SPINK7: variants seen among roughly 807,000 people sequenced by gnomAD.
SPINK7 encodes the protein serine peptidase inhibitor Kazal type 7.
Under a neutral mutation model 11.6 loss-of-function variants are expected in SPINK7, and 8 were observed. The ratio of observed to expected loss-of-function variants is 0.69; its 90% confidence interval spans 0.41 to 1.25. SPINK7 has a LOEUF of 1.25. Ranked by LOEUF, SPINK7 falls within the 50% of genes most tolerant of loss-of-function variation. The pLI, the probability that SPINK7 is intolerant of heterozygous loss-of-function variation, is 0.01. For synonymous variants in SPINK7, 38 were observed against 35.3 expected (o/e 1.08, Z -0.27); for missense variants, 113 against 99.3 (o/e 1.14, Z -0.58).
rs149286191 is a variant in SPINK7, at chr5:148,314,225, G to C, written c.212+1G>C. The C allele has an allele frequency of 2.7e-5, 43 of 1,613,562 alleles. No individual in the cohort carries two copies. In the African/African-American group the frequency reaches 4.8e-4, roughly 18 times the overall value. The stretch of plus-strand genomic sequence containing the variant: ...AATGTCACTTGTGTACCGAGAGCTT[G>C]TGAGTACCTCATAAGAAGAAAATGA... On this transcript the variant is annotated splice_donor_variant, in intron 3 of 3. Coordinates refer to ENST00000274565, the MANE Select transcript of SPINK7 (RefSeq NM_032566.3). LOFTEE classifies it high-confidence loss of function.
chr5:148,314,536 C>T (rs1318133788), intron 3 of SPINK7: 1 of 376,684 alleles, frequency 2.7e-6, no homozygotes, highest in Non-Finnish European at 4.8e-6. Flanking sequence ...AGAGGCAAGT[C>T]AGGAGTCACC....
rs771956991 is a variant in SPINK7, at chr5:148,312,558, A to G, written c.61+14A>G. ...GTAGCAGCTCAGGTAAGTTAAGGTC[A>G]GACAGTGCCCTATATAGCCATTAAG... On this transcript the variant is annotated intron_variant, in intron 1 of 3. Transcript: ENST00000274565. The G allele has an allele frequency of 2.6e-6, 4 of 1,541,948 alleles. No individual in the cohort carries two copies. Among genetic ancestry groups the G allele is most frequent in the Admixed American group, 3.4e-5 (2 of 58,758 alleles).
At position 148,315,634 on chromosome 5, in the gene SPINK7, C is replaced by A. The variant is rs1057021926; in HGVS notation, c.213-5C>A. The A allele has an allele frequency of 6.3e-7, 1 of 1,591,166 alleles. No individual in the cohort carries two copies. The highest frequency in any genetic ancestry group is 8.6e-7 in the Non-Finnish European group (1 of 1,159,916). Reference sequence around the variant, plus strand: ...ATGAATCTTGTGAACTGTGTCTTCCCTTAGGAAAAGTAATGGAAGAGTTCA... The same window carrying A: ...ATGAATCTTGTGAACTGTGTCTTCCATTAGGAAAAGTAATGGAAGAGTTCA... On this transcript the variant is annotated splice_polypyrimidine_tract_variant and splice_region_variant and intron_variant, in intron 3 of 3. Coordinates refer to ENST00000274565, the MANE Select transcript of SPINK7 (RefSeq NM_032566.3).
At position 148,315,073 on chromosome 5, in the gene SPINK7, C is replaced by T. The variant is rs117815924; in HGVS notation, c.213-566C>T. On this transcript the variant is annotated intron_variant, in intron 3 of 3. Transcript: ENST00000274565. ...GCCACTGGATTTTGGACACTTAGAT[C>T]TTGCGTTTTCATCTTTGTGATTATC... Among the ~76,000 whole-genome samples, 15 of 152,246 alleles carry T rather than the reference C, an allele frequency of 9.9e-5. No homozygotes were observed. The East Asian group carries it at 2.7e-3, about 27-fold the overall frequency.
At chr5:148,312,637 T>G in intron 1 of SPINK7, 93 bp downstream of exon 1, 2 of 735,508 alleles carry the variant, frequency 2.7e-6, no homozygotes, top group Non-Finnish European at 4.6e-6. Flanking sequence ...AAACATCTGG[T>G]TGTAAGAATT....
chr5:148,313,986 G>A (rs1380424671), intron 2 of SPINK7, 114 bp from the exon 3 acceptor site: 1 of 1,346,222 alleles, frequency 7.4e-7, no homozygotes, highest in African/African-American at 1.4e-5. Flanking sequence ...TAAAGAAGTG[G>A]CCAAGCAACA....
intron 1 of SPINK7, 54 bp from the exon 2 acceptor site, chr5:148,313,320 T>C (rs960697834): frequency 2.2e-6 from 3 of 1,392,076 alleles, no homozygotes; most frequent in East Asian, 2.3e-5. Flanking sequence ...TATTAATTAA[T>C]GAGATTTAAA....
At position 148,312,559 on chromosome 5, in the gene SPINK7, G is replaced by C; in HGVS notation, c.61+15G>C. ...TAGCAGCTCAGGTAAGTTAAGGTCA[G>C]ACAGTGCCCTATATAGCCATTAAGA... On this transcript the variant is annotated intron_variant, in intron 1 of 3. Transcript: ENST00000274565. 1 of 1,529,470 alleles carries C rather than the reference G, an allele frequency of 6.5e-7. No homozygotes were observed. The highest frequency in any genetic ancestry group is 9.0e-7 in the Non-Finnish European group (1 of 1,106,714). The allele number at this position is 1,529,470 out of a possible 1,614,324, so 94.7% of individuals were successfully genotyped here.
intron 3 of SPINK7, 172 bp downstream of exon 3, chr5:148,314,396 A>T (rs1756903741): frequency 4.4e-6 from 3 of 684,232 alleles, no homozygotes; most frequent in Non-Finnish European, 7.3e-6. Context: ...GACAGGGTAG[A>T]GTCACCTGCT....
intron 2 of SPINK7, chr5:148,313,808 T>C (rs1756893414): frequency 6.1e-6 from 3 of 491,382 alleles, no homozygotes; most frequent in Non-Finnish European, 1.1e-5. Context: ...TAAAGAGAGG[T>C]AATAGTAGAA....
Position 148,315,656 on chromosome 5 carries a change from T to C in SPINK7, c.230T>C (p.Val77Ala). The part of the protein sequence containing the change: ...CTESLKSNGR[V>A]QFLHDGSC ...TCCCTTAGGAAAAGTAATGGAAGAG[T>C]TCAGTTTCTTCACGATGGAAGTTGC... Residue 77 changes from valine (V) to alanine (A), a missense_variant, in exon 4 of 4, where the codon GTT becomes GCT. Val to Ala is a moderately conservative substitution (Grantham distance 64). Transcript: ENST00000274565. 6.2e-7 allele frequency: 1 copy of C among 1,602,134 alleles called. No individual in the cohort carries two copies. The highest frequency in any genetic ancestry group is 8.5e-7 in the Non-Finnish European group (1 of 1,169,660).
chr5:148,313,469 T>C, intron 2 of SPINK7, 70 bp downstream of exon 2: 1 of 1,192,268 alleles, frequency 8.4e-7, no homozygotes, highest in Non-Finnish European at 1.2e-6. Flanking sequence ...ATATGTAGGA[T>C]AAATTATGTT....
intron 1 of SPINK7, among the ~76,000 whole-genome samples, chr5:148,312,910 G>A (rs189035707): frequency 6.6e-6 from 1 of 152,124 alleles, no homozygotes; most frequent in Non-Finnish European, 1.5e-5. Flanking sequence ...TAAAACACAA[G>A]TCTCAAAAAG....
intron 1 of SPINK7, among the ~76,000 whole-genome samples, 168 bp downstream of exon 1, chr5:148,312,712 T>C (rs1756876162): frequency 1.3e-5 from 2 of 152,118 alleles, no homozygotes; most frequent in Non-Finnish European, 2.9e-5. Context: ...TTGAGTCCAA[T>C]GTCTTCACTT....
chr5:148,315,705 G>A lies in SPINK7; in HGVS notation c.*21G>A. On this transcript the variant is annotated 3_prime_UTR_variant, in exon 4 of 4. Transcript: ENST00000274565. ...GCTAAATTCTCCATGGACATAGAGA[G>A]AAAGGAATGATATTCTCATCATCAT... 6.9e-7 allele frequency: 1 copy of A among 1,441,498 alleles called. No homozygotes were observed. The highest frequency in any genetic ancestry group is 9.7e-7 in the Non-Finnish European group (1 of 1,028,608). 89.3% of individuals were successfully genotyped at this position (1,441,498 alleles called of 1,614,324 possible). A position where few individuals can be genotyped will look rare whatever the true frequency, so the allele number is the denominator to read the frequency against.
chr5:148,313,657 A>T, intron 2 of SPINK7: 1 of 401,232 alleles, frequency 2.5e-6, no homozygotes, highest in South Asian at 5.8e-5. Flanking sequence ...ATGTTTTCAT[A>T]AAAGGCATAA....
In SPINK7 at chr5:148,313,395, A is replaced by T; in HGVS notation, c.83A>T (p.Lys28Ile). 1.9e-6 allele frequency: 3 copies of T among 1,601,232 alleles called. No individual in the cohort carries two copies. The highest frequency in any genetic ancestry group is 1.7e-6 in the Non-Finnish European group (2 of 1,170,898). The change falls in exon 2 of 4, where the codon AAA (lysine) becomes ATA (isoleucine). Residue 28 changes from lysine (K) to isoleucine (I), a missense_variant. Lys to Ile is a moderately radical substitution (Grantham distance 102). Coordinates refer to ENST00000274565, the MANE Select transcript of SPINK7 (RefSeq NM_032566.3). ...TCAGAAGCTGCTAGTCTGTCTCCAA[A>T]AAAAGTAAGTATGTTGAATAACATT... ...SSSEAASLSP[K>I]KVDCSIYKKY... is the part of the protein sequence containing the mutation.
rs1756872420 is a variant in SPINK7 at position 148,312,449 on chromosome 5, C to T, written c.-35C>T. 2 of 1,468,284 alleles carry T rather than the reference C, an allele frequency of 1.4e-6. No individual in the cohort carries two copies. The highest frequency in any genetic ancestry group is 1.7e-4 in the Middle Eastern group (1 of 5,788). The allele number at this position is 1,468,284 out of a possible 1,614,324, so 91.0% of individuals were successfully genotyped here. On this transcript the variant is annotated 5_prime_UTR_variant, in exon 1 of 4. Transcript: ENST00000274565. ...TGGTCGATGCAGCTGTAGTGACAATCTCAGAGCAGCTTCTACACCACAGCC... is the reference window on the plus strand; with the variant it reads ...TGGTCGATGCAGCTGTAGTGACAATTTCAGAGCAGCTTCTACACCACAGCC...
In SPINK7 at chr5:148,315,664, C is replaced by T; in HGVS notation, c.238C>T (p.Leu80Phe). The T allele has an allele frequency of 6.2e-7, 1 of 1,601,872 alleles. No individual in the cohort carries two copies. The highest frequency in any genetic ancestry group is 1.7e-4 in the Middle Eastern group (1 of 6,018). ...GAAAAGTAATGGAAGAGTTCAGTTT[C>T]TTCACGATGGAAGTTGCTAAATTCT... ...SLKSNGRVQF[L>F]HDGSC Residue 80 changes from leucine to phenylalanine, a missense_variant, in exon 4 of 4, where the codon CTT (leucine) becomes TTT (phenylalanine). Physicochemically the swap from Leu to Phe is conservative, Grantham distance 22. Coordinates refer to ENST00000274565, the MANE Select transcript of SPINK7 (RefSeq NM_032566.3).
Sources: gnomAD v4.1 joint callset for allele counts (sites outside exome capture counted in the v4.1 genomes callset) on GRCh38, gnomAD v4.1.1 for gene constraint, MANE v1.5 for transcripts, NCBI Gene and HGNC (gene_info 2026-07-23, HGNC 2026-07-21) for gene names.